The following MGAT4C variants were observed in gnomAD, a reference collection of about 807,000 sequenced individuals.
MGAT4C encodes the protein MGAT4 family member C.
In MGAT4C, 19 loss-of-function variants were observed where a neutral mutation model predicts 40.1. The observed-to-expected ratio is 0.47, with a 90% CI of 0.33 to 0.70. MGAT4C has a LOEUF of 0.70. Ranked by LOEUF, MGAT4C falls within the 30% of genes least tolerant of loss-of-function variation. The pLI is 0.02. For synonymous variants in MGAT4C, 181 were observed against 187.1 expected, an observed-to-expected ratio of 0.97 and a Z score of 0.27; for missense variants, 491 against 563.2, an observed-to-expected ratio of 0.87 and a Z score of 1.30.
intron 2 of MGAT4C, among the ~76,000 whole-genome samples, chr12:86,712,579 C>T (rs1174999434): frequency 1.3e-5 from 2 of 152,130 alleles, no homozygotes; most frequent in African/African-American, 4.8e-5. Context: ...GTCACTGTGA[C>T]TCATGACGAA....
intron 2 of MGAT4C, among the ~76,000 whole-genome samples, chr12:86,608,584 C>A (rs17014036): frequency 8.6e-5 from 13 of 151,996 alleles, no homozygotes; most frequent in Non-Finnish European, 1.8e-4. Context: ...ATAATGACCT[C>A]TTTCAATGTG....
intron 2 of MGAT4C, among the ~76,000 whole-genome samples, chr12:86,513,591 G>T (rs988362614): frequency 6.6e-6 from 1 of 152,054 alleles, no homozygotes; most frequent in African/African-American, 2.4e-5. Context: ...ATAGTTTTTT[G>T]AACATATAGT....
chr12:86,069,303 C>A (rs1403625576), intron 1 of MGAT4C, among the ~76,000 whole-genome samples: 1 of 152,114 alleles, frequency 6.6e-6, no homozygotes, highest in East Asian at 1.9e-4. Flanking sequence ...TACAGTAATT[C>A]AAGTCAAATC....
chr12:86,296,267 G>A (rs139094647), intron 4 of MGAT4C, among the ~76,000 whole-genome samples: 3 of 151,864 alleles, frequency 2.0e-5, no homozygotes, highest in Admixed American at 6.6e-5. Flanking sequence ...GCTGATTGGT[G>A]TATTTACAAT....
At chr12:86,631,232 C>T (rs953470983) in intron 2 of MGAT4C, among the ~76,000 whole-genome samples, 1 of 152,076 alleles carries the variant, frequency 6.6e-6, no homozygotes, top group African/African-American at 2.4e-5. Flanking sequence ...GAACTACAAA[C>T]CACTGCTCAA....
At chr12:86,595,139 T>C (rs540913242) in intron 2 of MGAT4C, among the ~76,000 whole-genome samples, 38 of 152,284 alleles carry the variant, frequency 2.5e-4, no homozygotes, top group African/African-American at 8.4e-4. Flanking sequence ...CTAAGATTGT[T>C]ATATTTTTAC....
At chr12:86,739,133 CAAAAAAAAAAAAAAAAAAA>C (rs59869666) in intron 1 of MGAT4C, among the ~76,000 whole-genome samples, 3 of 39,772 alleles carry the variant, frequency 7.5e-5, no homozygotes, top group African/African-American at 3.2e-4. Context: ...TTTCCCTGTG[CAAAAAAAAAAAAAAAAAAA>C]AAAAAAAAAA....
chr12:86,312,757 T>C (rs997889306), intron 4 of MGAT4C, among the ~76,000 whole-genome samples: 3 of 152,138 alleles, frequency 2.0e-5, no homozygotes, highest in Non-Finnish European at 4.4e-5. Context: ...AAACCTTTCA[T>C]TTTAGCTGAA....
At chr12:86,059,417 T>C (rs1233316916) in intron 1 of MGAT4C, among the ~76,000 whole-genome samples, 1 of 152,202 alleles carries the variant, frequency 6.6e-6, no homozygotes, top group Non-Finnish European at 1.5e-5. Flanking sequence ...TATTTGATTA[T>C]CCCTTCGTTG....
intron 2 of MGAT4C, among the ~76,000 whole-genome samples, chr12:86,655,287 G>A (rs573689987): frequency 4.6e-5 from 7 of 152,008 alleles, no homozygotes; most frequent in African/African-American, 7.2e-5. Context: ...AATACTATGC[G>A]GTTCTTAATT....
chr12:86,739,558 C>A (rs1951035214), intron 1 of MGAT4C, among the ~76,000 whole-genome samples: 1 of 150,880 alleles, frequency 6.6e-6, no homozygotes, highest in South Asian at 2.1e-4. Flanking sequence ...TGCATTTGTA[C>A]TGAACATGCA....
chr12:86,665,564 A>G (rs1008288389), intron 2 of MGAT4C, among the ~76,000 whole-genome samples: 1 of 152,046 alleles, frequency 6.6e-6, no homozygotes. Flanking sequence ...TTTTTAGTAG[A>G]GATGGGGTTT....
intron 2 of MGAT4C, among the ~76,000 whole-genome samples, chr12:86,466,815 C>T (rs1215555803): frequency 6.6e-6 from 1 of 152,026 alleles, no homozygotes; most frequent in Non-Finnish European, 1.5e-5. Context: ...CCATACTTTC[C>T]CTTTAATTTT....
chr12:86,510,990 C>A (rs542271415), intron 2 of MGAT4C, among the ~76,000 whole-genome samples: 97 of 152,158 alleles, frequency 6.4e-4, no homozygotes, highest in Middle Eastern at 6.8e-3. Context: ...ACCAAGCAGA[C>A]CTAATAGACA....
intron 2 of MGAT4C, among the ~76,000 whole-genome samples, chr12:86,652,530 C>A (rs919803305): frequency 2.6e-5 from 4 of 151,786 alleles, no homozygotes; most frequent in East Asian, 1.9e-4. Flanking sequence ...CTGATTCTAG[C>A]TGGGCAAATA....
At chr12:86,428,094 TTG>T (rs1956964518) in intron 3 of MGAT4C, among the ~76,000 whole-genome samples, 1 of 152,002 alleles carries the variant, frequency 6.6e-6, no homozygotes, top group Non-Finnish European at 1.5e-5. Context: ...TATAAAATCA[TTG>T]TCTCAAATTA....
chr12:86,612,046 C>T (rs1236011770), intron 2 of MGAT4C, among the ~76,000 whole-genome samples: 1 of 152,130 alleles, frequency 6.6e-6, no homozygotes, highest in Non-Finnish European at 1.5e-5. Flanking sequence ...TAATCAACCT[C>T]TGGGCTCAGA....
At chr12:86,422,684 T>A (rs1414800005) in intron 3 of MGAT4C, among the ~76,000 whole-genome samples, 5 of 152,210 alleles carry the variant, frequency 3.3e-5, no homozygotes, top group Admixed American at 3.3e-4. Context: ...GGGTCAATAT[T>A]CTGGCTAATG....
intron 4 of MGAT4C, among the ~76,000 whole-genome samples, chr12:86,330,416 T>C (rs760216551): frequency 6.6e-6 from 1 of 152,214 alleles, no homozygotes; most frequent in African/African-American, 2.4e-5. Flanking sequence ...AATAAATTTG[T>C]TATACTTTTC....
Sources: allele counts gnomAD v4.1 joint callset (sites outside exome capture counted in the v4.1 genomes callset), GRCh38; gene constraint gnomAD v4.1.1; transcripts MANE v1.5; gene names NCBI Gene and HGNC (gene_info 2026-07-23, HGNC 2026-07-21).